The following TAF4B variants were observed in gnomAD, a reference collection of about 807,000 sequenced individuals.
TAF4B encodes the protein transcription initiation factor TFIID subunit 4B.
In TAF4B, 38 loss-of-function variants were observed where a neutral mutation model predicts 86.4. That is an observed-to-expected ratio of 0.44 (90% CI 0.34 to 0.58). TAF4B has a LOEUF of 0.58. TAF4B is among the 20% of genes least tolerant of loss of function. TAF4B has a pLI of 0.02. For synonymous variants in TAF4B, 388 were observed against 391.2 expected (o/e 0.99, Z 0.10); for missense variants, 988 against 1,027.6 (o/e 0.96, Z 0.53).
chr18:26,246,266 A>G (rs916443735), intron 1 of TAF4B, among the ~76,000 whole-genome samples: 1 of 152,198 alleles, frequency 6.6e-6, no homozygotes, highest in Non-Finnish European at 1.5e-5. Context: ...TACTTACTGA[A>G]TGACTATGTC....
chr18:26,299,075 G>T (rs749061170), intron 9 of TAF4B, among the ~76,000 whole-genome samples: 1 of 151,298 alleles, frequency 6.6e-6, no homozygotes, highest in Non-Finnish European at 1.5e-5. Flanking sequence ...TAGTCAGGTT[G>T]CTCTCCAACT....
chr18:26,270,502 A>G (rs1288776095), intron 3 of TAF4B, among the ~76,000 whole-genome samples: 2 of 152,194 alleles, frequency 1.3e-5, no homozygotes, highest in Admixed American at 6.5e-5. Flanking sequence ...AAAAATAGAG[A>G]TGAGGTCTTA....
intron 9 of TAF4B, among the ~76,000 whole-genome samples, chr18:26,305,933 T>C (rs2056790270): frequency 6.6e-6 from 1 of 152,192 alleles, no homozygotes; most frequent in Non-Finnish European, 1.5e-5. Context: ...CTTTTTACGA[T>C]ATAGAAGATT....
At chr18:26,330,654 T>G (rs1432324737) in intron 12 of TAF4B, among the ~76,000 whole-genome samples, 2 of 152,196 alleles carry the variant, frequency 1.3e-5, no homozygotes, top group Non-Finnish European at 2.9e-5. Flanking sequence ...AATGTCCATC[T>G]GTAACTATTT....
At chr18:26,290,262 C>CA (rs1684144031) in intron 7 of TAF4B, among the ~76,000 whole-genome samples, 1 of 152,098 alleles carries the variant, frequency 6.6e-6, no homozygotes, top group African/African-American at 2.4e-5. Flanking sequence ...GCCTCAGCCT[C>CA]ATGAGTAGCT....
Position 26,388,097 on chromosome 18 carries a change from C to T in TAF4B, c.2422-1748C>T, listed in dbSNP as rs561706474. Among the ~76,000 whole-genome samples the T allele has an allele frequency of 3.1e-3, 471 of 152,206 alleles. 3 individuals carry two copies. The highest frequency in any genetic ancestry group is 5.2e-3 in the Non-Finnish European group (351 of 68,004). On this transcript the variant is annotated intron_variant, in intron 14 of 14. Coordinates refer to ENST00000269142, the MANE Select transcript of TAF4B (RefSeq NM_005640.3). ...GTTATCTTTCCTTATGTATGTCTTT[C>T]GGGTGGATAAAAGAGAGTTGCCAGT...
chr18:26,328,808 CAG>C (rs1304223676), intron 12 of TAF4B, among the ~76,000 whole-genome samples: 1 of 151,808 alleles, frequency 6.6e-6, no homozygotes, highest in Non-Finnish European at 1.5e-5. Flanking sequence ...TTAGTAGTGA[CAG>C]GGTTTCACCA....
chr18:26,253,667 A>T (rs1007919912), intron 1 of TAF4B, among the ~76,000 whole-genome samples: 15 of 152,058 alleles, frequency 9.9e-5, no homozygotes, highest in Non-Finnish European at 1.6e-4. Context: ...TCTTTTAAAT[A>T]TTTGGTAGAA....
At chr18:26,320,754 G>T (rs2056955015) in intron 10 of TAF4B, among the ~76,000 whole-genome samples, 1 of 151,998 alleles carries the variant, frequency 6.6e-6, no homozygotes, top group Admixed American at 6.6e-5. Flanking sequence ...ACTAATTTCT[G>T]CAGTTACCAT....
At chr18:26,296,876 A>G (rs1321946265) in intron 9 of TAF4B, among the ~76,000 whole-genome samples, 1 of 151,610 alleles carries the variant, frequency 6.6e-6, no homozygotes, top group Non-Finnish European at 1.5e-5. Flanking sequence ...ACAGTGGCTC[A>G]TGCCTGTAAT....
intron 12 of TAF4B, among the ~76,000 whole-genome samples, chr18:26,331,616 A>G (rs903044103): frequency 6.6e-6 from 1 of 152,194 alleles, no homozygotes; most frequent in Non-Finnish European, 1.5e-5. Flanking sequence ...ATCTTCCCAG[A>G]TGTTCAAGCT....
At chr18:26,307,809 T>C (rs551135081) in intron 9 of TAF4B, among the ~76,000 whole-genome samples, 1 of 152,302 alleles carries the variant, frequency 6.6e-6, no homozygotes, top group Middle Eastern at 3.4e-3. Flanking sequence ...ATTCATTGTT[T>C]TATGTATTAC....
At chr18:26,244,262 A>T (rs2055887369) in intron 1 of TAF4B, among the ~76,000 whole-genome samples, 1 of 152,158 alleles carries the variant, frequency 6.6e-6, no homozygotes, top group Admixed American at 6.5e-5. Context: ...TACCTATTCA[A>T]GCCTCCGCAA....
In TAF4B at chr18:26,286,065, A is replaced by G. The variant is rs199890211; in HGVS notation, c.1156A>G (p.Thr386Ala). The G allele has an allele frequency of 2.4e-5, 39 of 1,614,216 alleles. No homozygotes were observed. The highest frequency in any genetic ancestry group is 3.3e-4 in the Middle Eastern group (2 of 6,062). ...AAAGTCAATTATTGTTTCTGGAGCAACAGCACCCAGAACTGTGTCAGTGCA... is the reference window on the plus strand; with the variant it reads ...AAAGTCAATTATTGTTTCTGGAGCAGCAGCACCCAGAACTGTGTCAGTGCA... ...SEKSIIVSGA[T>A]APRTVSVQTL... The change falls in exon 7 of 15, where the codon ACA (threonine) becomes GCA (alanine). Residue 386 changes from threonine to alanine, a missense_variant. By Grantham distance (58) the Thr-to-Ala change is moderately conservative. Around this residue, in one of 3 missense-constraint regions of TAF4B, gnomAD observed 747 missense variants for 737.9 expected, o/e 1.01. Coordinates refer to ENST00000269142, the MANE Select transcript of TAF4B (RefSeq NM_005640.3).
intron 1 of TAF4B, among the ~76,000 whole-genome samples, chr18:26,253,884 G>T: frequency 6.6e-6 from 1 of 150,812 alleles, no homozygotes; most frequent in Non-Finnish European, 1.5e-5. Flanking sequence ...ATCCTTATTT[G>T]TGTAAAACTT....
intron 9 of TAF4B, among the ~76,000 whole-genome samples, chr18:26,300,663 T>A (rs938277621): frequency 2.6e-5 from 4 of 152,062 alleles, no homozygotes; most frequent in African/African-American, 9.7e-5. Flanking sequence ...CTAATTTTGA[T>A]TAATATCTCA....
chr18:26,351,351 G>A (rs191727600), intron 13 of TAF4B, among the ~76,000 whole-genome samples: 82 of 152,226 alleles, frequency 5.4e-4, no homozygotes, highest in Non-Finnish European at 9.0e-4. Flanking sequence ...ACAGAGAATA[G>A]TAGAGGATGG....
At chr18:26,259,263 T>C (rs544328673) in intron 1 of TAF4B, among the ~76,000 whole-genome samples, 2 of 152,168 alleles carry the variant, frequency 1.3e-5, no homozygotes, top group South Asian at 2.1e-4. Flanking sequence ...TTCCATGTTT[T>C]CTGAGAATCT....
chr18:26,299,197 T>G (rs985878495), intron 9 of TAF4B, among the ~76,000 whole-genome samples: 4 of 152,080 alleles, frequency 2.6e-5, no homozygotes, highest in Non-Finnish European at 4.4e-5. Context: ...GTGCTCTACA[T>G]GTTCAGAGAA....
Sources: gnomAD v4.1 joint callset for allele counts (sites outside exome capture counted in the v4.1 genomes callset) on GRCh38, gnomAD v4.1.1 for gene constraint, gnomAD v4.1.1 regional missense constraint, MANE v1.5 for transcripts, NCBI Gene and HGNC (gene_info 2026-07-23, HGNC 2026-07-21) for gene names.